Variants in LRRC49 observed in about 807,000 individuals in gnomAD.
LRRC49 encodes the protein leucine rich repeat containing 49.
A neutral mutation model predicts 83.3 loss-of-function variants in LRRC49; 50 were observed. The ratio of observed to expected loss-of-function variants is 0.60; its 90% CI spans 0.48 to 0.76. The LOEUF (loss-of-function observed/expected upper bound fraction) is 0.76, where lower values mean the gene tolerates loss of function less well. Ranked by LOEUF, LRRC49 falls within the 30% of genes least tolerant of loss-of-function variation. The pLI, the probability that LRRC49 is intolerant of heterozygous loss-of-function variation, is 0.00. For missense variants in LRRC49, 704 were observed against 809.1 expected, an observed-to-expected ratio of 0.87 and a Z score of 1.58; for synonymous variants, 286 against 283.3, an observed-to-expected ratio of 1.01 and a Z score of -0.10.
In LRRC49 at chr15:71,009,960, C is replaced by A; in HGVS notation, c.1561C>A (p.His521Asn). ...WKYYVLFRLS[H>N]FSMQKINGTE... ...ATACTATGTACTGTTTAGGCTAAGC[C>A]ATTTCAGTATGCAGAAAATAAATGG... The change falls in exon 13 of 16, where the codon CAT (histidine) becomes AAT (asparagine). Residue 521 changes from histidine (H) to asparagine (N), a missense_variant. Transcript: ENST00000260382. 6.2e-7 allele frequency: 1 copy of A among 1,600,820 alleles called. No homozygotes were observed. The highest frequency in any genetic ancestry group is 8.5e-7 in the Non-Finnish European group (1 of 1,173,258).
intron 8 of LRRC49, among the ~76,000 whole-genome samples, chr15:70,948,846 A>T (rs1355571421): frequency 6.6e-6 from 1 of 152,138 alleles, no homozygotes; most frequent in Non-Finnish European, 1.5e-5. Flanking sequence ...GGAAATATGC[A>T]TGTGTATATG....
At chr15:71,033,460 G>A (rs977095775) in intron 14 of LRRC49, among the ~76,000 whole-genome samples, 1 of 152,066 alleles carries the variant, frequency 6.6e-6, no homozygotes, top group African/African-American at 2.4e-5. Context: ...TGGCCATACT[G>A]CCCAAAGCAA....
At position 70,978,113 on chromosome 15, in the gene LRRC49, T is replaced by C. The variant is rs560670490; in HGVS notation, c.922-1988T>C. Among the ~76,000 whole-genome samples, 8 of 152,324 alleles carry C rather than the reference T, an allele frequency of 5.3e-5. 1 individual carries two copies. The South Asian group carries it at 1.7e-3, about 32-fold the overall frequency. The stretch of plus-strand genomic sequence containing the variant: ...GCCCATCCTCTAGAACACATTTTCA[T>C]AGTCTCTTTGACCTTCTTTAATTCT... On this transcript the variant is annotated intron_variant, in intron 9 of 15. Transcript: ENST00000260382.
At chr15:70,878,287 T>C (rs1452530075) in intron 2 of LRRC49, among the ~76,000 whole-genome samples, 1 of 152,254 alleles carries the variant, frequency 6.6e-6, no homozygotes, top group Non-Finnish European at 1.5e-5. Context: ...TTTGGTTTGC[T>C]AAACTGATTT....
At chr15:70,993,158 G>A (rs1430861024) in intron 11 of LRRC49, among the ~76,000 whole-genome samples, 1 of 152,208 alleles carries the variant, frequency 6.6e-6, no homozygotes, top group African/African-American at 2.4e-5. Flanking sequence ...GCGAGGCTCT[G>A]TGGACGTAGG....
chr15:70,965,185 A>G (rs997331959), intron 9 of LRRC49, among the ~76,000 whole-genome samples: 3 of 152,190 alleles, frequency 2.0e-5, no homozygotes, highest in Non-Finnish European at 4.4e-5. Context: ...GGTTGAGATG[A>G]GTGGGATAAG....
At chr15:70,856,881 A>G (rs2032668002) in intron 1 of LRRC49, among the ~76,000 whole-genome samples, 1 of 152,194 alleles carries the variant, frequency 6.6e-6, no homozygotes, top group Non-Finnish European at 1.5e-5. Context: ...TGAAGAAACC[A>G]GGGCTTTTAA....
chr15:70,885,464 A>G (rs189742056), intron 2 of LRRC49, among the ~76,000 whole-genome samples: 1 of 152,336 alleles, frequency 6.6e-6, no homozygotes, highest in Non-Finnish European at 1.5e-5. Context: ...AATGAAGAGA[A>G]AAACTTAATA....
chr15:70,941,547 G>A (rs1012531135), intron 8 of LRRC49, among the ~76,000 whole-genome samples: 3 of 150,792 alleles, frequency 2.0e-5, no homozygotes, highest in East Asian at 1.9e-4. Flanking sequence ...AATGTACAAC[G>A]TAATGGGGAA....
At chr15:70,860,653 CT>C (rs2032768150) in intron 1 of LRRC49, among the ~76,000 whole-genome samples, 1 of 152,152 alleles carries the variant, frequency 6.6e-6, no homozygotes, top group Non-Finnish European at 1.5e-5. Context: ...TCCCAAAGTG[CT>C]GGAATTACAG....
At chr15:70,910,088 T>TGTGA (rs2034489533) in intron 5 of LRRC49, among the ~76,000 whole-genome samples, 1 of 151,976 alleles carries the variant, frequency 6.6e-6, no homozygotes, top group Non-Finnish European at 1.5e-5. Context: ...AGGGTGATGA[T>TGTGA]GTGAGAGGAG....
At chr15:70,923,671 A>G (rs1290482224) in intron 7 of LRRC49, among the ~76,000 whole-genome samples, 4 of 151,808 alleles carry the variant, frequency 2.6e-5, no homozygotes, top group African/African-American at 7.2e-5. Context: ...TTAATTTGAT[A>G]TAATTTCAGA....
intron 9 of LRRC49, among the ~76,000 whole-genome samples, chr15:70,967,652 A>G (rs1411259181): frequency 1.3e-5 from 2 of 152,130 alleles, no homozygotes; most frequent in Non-Finnish European, 2.9e-5. Context: ...GGGTTGGCAA[A>G]TTTTATCTAT....
chr15:70,947,507 C>G (rs367784215), intron 8 of LRRC49, among the ~76,000 whole-genome samples: 2 of 152,166 alleles, frequency 1.3e-5, no homozygotes, highest in South Asian at 4.1e-4. Context: ...AACCTTGCAG[C>G]TTTTGGAAAA....
chr15:70,985,577 G>T (rs2141229571), intron 11 of LRRC49, among the ~76,000 whole-genome samples: 1 of 152,296 alleles, frequency 6.6e-6, no homozygotes, highest in African/African-American at 2.4e-5. Context: ...CATTTTGTAA[G>T]TTGCCTGTTC....
intron 9 of LRRC49, among the ~76,000 whole-genome samples, chr15:70,977,790 T>C (rs187498955): frequency 6.6e-6 from 1 of 152,218 alleles, no homozygotes; most frequent in East Asian, 1.9e-4. Flanking sequence ...AACTCTTCTT[T>C]ATCTATCTAA....
chr15:70,868,856 G>A (rs1653417820), intron 1 of LRRC49, among the ~76,000 whole-genome samples: 1 of 152,224 alleles, frequency 6.6e-6, no homozygotes, highest in African/African-American at 2.4e-5. Flanking sequence ...ATTGTGGGTG[G>A]TAGTACAAGT....
At chr15:70,872,913 G>A (rs2033080128) in exon 2 of LRRC49, 4 of 199,632 alleles carry the variant, frequency 2.0e-5, no homozygotes, top group Non-Finnish European at 9.9e-6. Flanking sequence ...TTTAGATGGA[G>A]TCTCACTCTG....
chr15:70,969,191 T>C (rs1220279842), intron 9 of LRRC49, among the ~76,000 whole-genome samples: 1 of 152,206 alleles, frequency 6.6e-6, no homozygotes, highest in Non-Finnish European at 1.5e-5. Flanking sequence ...AGTTTCAGCT[T>C]TCTGCATATG....
Sources: allele counts gnomAD v4.1 joint callset (sites outside exome capture counted in the v4.1 genomes callset), GRCh38; gene constraint gnomAD v4.1.1; transcripts MANE v1.5; gene names NCBI Gene and HGNC (gene_info 2026-07-23, HGNC 2026-07-21).